Variants in G3BP2 observed in about 807,000 individuals in gnomAD.
G3BP2 encodes the protein ras GTPase-activating protein-binding protein 2.
In G3BP2, 11 loss-of-function variants were observed where a neutral mutation model predicts 56.7. The observed-to-expected ratio is 0.19, with a 90% CI of 0.12 to 0.32. The LOEUF (loss-of-function observed/expected upper bound fraction) is 0.32, where lower values mean the gene tolerates loss of function less well. Ranked by LOEUF, G3BP2 falls within the 10% of genes least tolerant of loss-of-function variation. G3BP2 has a pLI of 1.00. For synonymous variants in G3BP2, 165 were observed against 191.6 expected, an observed-to-expected ratio of 0.86 and a Z score of 1.15; for missense variants, 340 against 610.9, an observed-to-expected ratio of 0.56 and a Z score of 4.67.
chr4:75,678,346 A>C (rs1733956104), upstream of G3BP2, among the ~76,000 whole-genome samples: 1 of 149,560 alleles, frequency 6.7e-6, no homozygotes, highest in African/African-American at 2.5e-5. Flanking sequence ...GTGTGTACAC[A>C]GGGTCTCATT....
chr4:75,697,273 C>CAAAGAAAA (rs1719158263), intron 3 of G3BP2, among the ~76,000 whole-genome samples: 1 of 28,832 alleles, frequency 3.5e-5, no homozygotes, highest in Non-Finnish European at 5.8e-5. Context: ...GACTCTGTCT[C>CAAAGAAAA]AAAAAAAAAA....
At chr4:75,662,438 C>T (rs1477934138) in intron 1 of G3BP2, 81 of 154,924 alleles carry the variant, frequency 5.2e-4, no homozygotes, top group Middle Eastern at 3.3e-3. Flanking sequence ...GTCAGGCTGG[C>T]CTCGAACTCC....
chr4:75,720,547 C>T (rs1462705618), intron 3 of G3BP2, among the ~76,000 whole-genome samples: 1 of 148,340 alleles, frequency 6.7e-6, no homozygotes, highest in Admixed American at 6.8e-5. Flanking sequence ...CGGTGGCTCA[C>T]GCACTTTGAG....
chr4:75,716,125 G>T (rs1719917650), intron 3 of G3BP2, among the ~76,000 whole-genome samples: 1 of 152,134 alleles, frequency 6.6e-6, no homozygotes, highest in South Asian at 2.1e-4. Flanking sequence ...GTAGGTATTG[G>T]AGGTGGGGAG....
At chr4:75,694,243 G>A (rs566186215) in intron 3 of G3BP2, among the ~76,000 whole-genome samples, 1 of 152,282 alleles carries the variant, frequency 6.6e-6, no homozygotes, top group African/African-American at 2.4e-5. Context: ...TTTGGACTGT[G>A]GCCTGAAGTA....
chr4:75,657,454 A>C, intron 4 of G3BP2, 103 bp downstream of exon 4: 1 of 842,046 alleles, frequency 1.2e-6, no homozygotes, highest in Non-Finnish European at 1.8e-6. Context: ...CAAATTCCCC[A>C]AAAATAACAA....
chr4:75,702,652 A>G (rs1327543482), intron 3 of G3BP2, among the ~76,000 whole-genome samples: 1 of 152,228 alleles, frequency 6.6e-6, no homozygotes, highest in Admixed American at 6.5e-5. Flanking sequence ...GCATGGTTAC[A>G]TTAGCATCAC....
chr4:75,679,572 G>A (rs1158976323), intron 3 of G3BP2, among the ~76,000 whole-genome samples: 1 of 152,194 alleles, frequency 6.6e-6, no homozygotes, highest in African/African-American at 2.4e-5. Context: ...ATAGGTGGTA[G>A]ATTTTAGGTA....
At chr4:75,666,159 T>C (rs948093003) in intron 1 of G3BP2, among the ~76,000 whole-genome samples, 2 of 152,194 alleles carry the variant, frequency 1.3e-5, no homozygotes, top group Non-Finnish European at 2.9e-5. Flanking sequence ...AAGCTTCAAA[T>C]TGCCCACTAT....
At chr4:75,705,039 A>C (rs1043924502) in intron 3 of G3BP2, among the ~76,000 whole-genome samples, 2 of 152,074 alleles carry the variant, frequency 1.3e-5, no homozygotes, top group Admixed American at 6.6e-5. Context: ...TAAAACATTG[A>C]GATTTTTTTT....
intron 1 of G3BP2, among the ~76,000 whole-genome samples, chr4:75,669,039 C>T (rs1733276889): frequency 6.6e-6 from 1 of 152,166 alleles, no homozygotes; most frequent in Non-Finnish European, 1.5e-5. Context: ...ATCCTCCACC[C>T]ATCTGCATTA....
At chr4:75,651,652 G>C (rs1731707949) in intron 8 of G3BP2, among the ~76,000 whole-genome samples, 1 of 152,096 alleles carries the variant, frequency 6.6e-6, no homozygotes, top group Non-Finnish European at 1.5e-5. Flanking sequence ...TAGTTTTTCT[G>C]AACAGATAAC....
chr4:75,689,148 G>A (rs62318488), intron 3 of G3BP2, among the ~76,000 whole-genome samples: 15,472 of 152,168 alleles, frequency 0.1, 1,013 homozygotes, highest in Non-Finnish European at 0.15. Context: ...TTTGGGAGGC[G>A]GGCGGATCAC....
upstream of G3BP2, among the ~76,000 whole-genome samples, chr4:75,675,832 C>T (rs991611430): frequency 3.9e-5 from 6 of 152,128 alleles, no homozygotes; most frequent in African/African-American, 1.4e-4. Flanking sequence ...CAGAGGTGGG[C>T]AAACGGTTTG....
upstream of G3BP2, chr4:75,673,689 G>C (rs1374879579): frequency 1.2e-5 from 14 of 1,143,374 alleles, no homozygotes; most frequent in Non-Finnish European, 1.5e-5. Flanking sequence ...CTCCAGCCTT[G>C]CCGCCCTTCT....
At chr4:75,717,644 C>T (rs59278372) in intron 3 of G3BP2, among the ~76,000 whole-genome samples, 6 of 152,144 alleles carry the variant, frequency 3.9e-5, no homozygotes, top group African/African-American at 4.8e-5. Context: ...TCACCCAATG[C>T]GAACTTCAAA....
chr4:75,698,315 A>G (rs1361069585), intron 3 of G3BP2, among the ~76,000 whole-genome samples: 1 of 152,186 alleles, frequency 6.6e-6, no homozygotes, highest in African/African-American at 2.4e-5. Context: ...AGACGAAGGA[A>G]GGAGCCATGA....
At chr4:75,646,259 C>T (rs1731202419) in intron 11 of G3BP2, 79 bp downstream of exon 11, 1 of 700,868 alleles carries the variant, frequency 1.4e-6, no homozygotes, top group Non-Finnish European at 2.5e-6. Context: ...AAAAGATTTT[C>T]TATGGTTTTT....
intron 3 of G3BP2, among the ~76,000 whole-genome samples, chr4:75,687,692 T>C (rs771474794): frequency 1.3e-5 from 2 of 152,234 alleles, no homozygotes; most frequent in Non-Finnish European, 2.9e-5. Flanking sequence ...ACATGTAGGC[T>C]AAACACTCCT....
Sources: allele counts gnomAD v4.1 joint callset (sites outside exome capture counted in the v4.1 genomes callset), GRCh38; gene constraint gnomAD v4.1.1; transcripts MANE v1.5; gene names NCBI Gene and HGNC (gene_info 2026-07-23, HGNC 2026-07-21).